The following FOXP2 variants were observed in gnomAD, a reference collection of about 807,000 sequenced individuals.
FOXP2 encodes the protein forkhead box protein P2.
In FOXP2, 12 loss-of-function variants were observed where a neutral mutation model predicts 115.8. That is an observed-to-expected ratio of 0.10 (90% CI 0.07 to 0.17). The LOEUF (loss-of-function observed/expected upper bound fraction) is 0.17, where lower values mean the gene tolerates loss of function less well. Ranked by LOEUF, FOXP2 falls within the 10% of genes least tolerant of loss-of-function variation. FOXP2 has a pLI of 1.00. For synonymous variants in FOXP2, 328 were observed against 297.7 expected (o/e 1.10, Z -1.05); for missense variants, 629 against 843.5 (o/e 0.75, Z 3.15).
At chr7:114,289,006 C>G (rs1286075256) in intron 2 of FOXP2, among the ~76,000 whole-genome samples, 2 of 151,752 alleles carry the variant, frequency 1.3e-5, no homozygotes, top group African/African-American at 2.4e-5. Context: ...CACTTTCTAC[C>G]TAAATTTCTC....
intron 1 of FOXP2, among the ~76,000 whole-genome samples, chr7:114,418,083 T>G (rs976603335): frequency 3.3e-5 from 5 of 151,980 alleles, no homozygotes; most frequent in Non-Finnish European, 7.4e-5. Flanking sequence ...TACTCATGAT[T>G]GAGCTGATAT....
chr7:114,517,918 G>T (rs1798424104), intron 2 of FOXP2, among the ~76,000 whole-genome samples: 1 of 152,088 alleles, frequency 6.6e-6, no homozygotes, highest in African/African-American at 2.4e-5. Flanking sequence ...ACTTGGAGCA[G>T]TATAGACATT....
At chr7:114,142,924 G>C (rs1792261537) in intron 1 of FOXP2, among the ~76,000 whole-genome samples, 1 of 151,938 alleles carries the variant, frequency 6.6e-6, no homozygotes, top group Non-Finnish European at 1.5e-5. Context: ...GAGGTGAGAA[G>C]ATCGATTGAG....
chr7:114,452,423 A>G (rs1393689353), intron 2 of FOXP2, among the ~76,000 whole-genome samples: 2 of 152,076 alleles, frequency 1.3e-5, no homozygotes, highest in East Asian at 1.9e-4. Flanking sequence ...GGACATTTGT[A>G]AATGCTATTT....
chr7:114,334,762 A>G (rs1427525082), intron 2 of FOXP2, among the ~76,000 whole-genome samples: 1 of 151,354 alleles, frequency 6.6e-6, no homozygotes, highest in Non-Finnish European at 1.5e-5. Flanking sequence ...GTCAATTAAG[A>G]TAATGTATTT....
At chr7:114,145,454 T>C (rs899930685) in intron 1 of FOXP2, among the ~76,000 whole-genome samples, 6 of 117,328 alleles carry the variant, frequency 5.1e-5, no homozygotes, top group Non-Finnish European at 3.4e-5. Flanking sequence ...TTCTTTTCTT[T>C]TCTTTTCTTT....
At chr7:114,089,122 T>G (rs976574838) in intron 1 of FOXP2, among the ~76,000 whole-genome samples, 2 of 152,104 alleles carry the variant, frequency 1.3e-5, no homozygotes, top group African/African-American at 4.8e-5. Context: ...CAGTCGTCAG[T>G]CTAGTTAAAT....
intron 3 of FOXP2, among the ~76,000 whole-genome samples, chr7:114,580,990 C>A (rs1468521816): frequency 6.6e-6 from 1 of 150,598 alleles, no homozygotes; most frequent in Non-Finnish European, 1.5e-5. Flanking sequence ...GAAGAATGAG[C>A]CAGCAAAGAA....
intron 2 of FOXP2, among the ~76,000 whole-genome samples, chr7:114,481,771 T>C (rs1016157816): frequency 6.9e-6 from 1 of 143,908 alleles, no homozygotes; most frequent in Non-Finnish European, 1.5e-5. Flanking sequence ...ACTCTATCTA[T>C]CTATCTATCT....
At chr7:114,604,217 AG>A (rs1803185539) in intron 3 of FOXP2, among the ~76,000 whole-genome samples, 1 of 152,170 alleles carries the variant, frequency 6.6e-6, no homozygotes, top group Admixed American at 6.6e-5. Context: ...CCTGGCAAAA[AG>A]AGAACTGGAG....
intron 6 of FOXP2, among the ~76,000 whole-genome samples, chr7:114,640,494 A>T (rs1448639135): frequency 6.6e-6 from 1 of 152,210 alleles, no homozygotes; most frequent in Non-Finnish European, 1.5e-5. Context: ...GATGAATAAT[A>T]TAACCAGAAG....
At chr7:114,162,324 AC>A (rs1026018344), upstream of FOXP2, among the ~76,000 whole-genome samples, 1 of 152,082 alleles carries the variant, frequency 6.6e-6, no homozygotes, top group African/African-American at 2.4e-5. Context: ...TTTAGAACAT[AC>A]CCATGTTAAA....
intron 2 of FOXP2, among the ~76,000 whole-genome samples, chr7:114,396,613 A>G (rs942742148): frequency 1.3e-5 from 2 of 151,946 alleles, no homozygotes; most frequent in African/African-American, 4.8e-5. Context: ...TGGAATCTTA[A>G]AAAAGTTGAT....
At chr7:114,125,925 C>A (rs998344548) in intron 1 of FOXP2, among the ~76,000 whole-genome samples, 1 of 152,022 alleles carries the variant, frequency 6.6e-6, no homozygotes, top group Non-Finnish European at 1.5e-5. Context: ...AAGAATGTTA[C>A]CTTAGTTTAG....
chr7:114,157,617 C>CCCCT (rs1436676196), intron 1 of FOXP2, among the ~76,000 whole-genome samples: 1 of 152,034 alleles, frequency 6.6e-6, no homozygotes, highest in Admixed American at 6.6e-5. Context: ...TATTCAGGAG[C>CCCCT]CCCTCCCTAT....
intron 6 of FOXP2, among the ~76,000 whole-genome samples, chr7:114,636,424 A>G (rs952609509): frequency 1.3e-5 from 2 of 152,180 alleles, no homozygotes; most frequent in African/African-American, 2.4e-5. Flanking sequence ...AACAGAATAT[A>G]TATAATACAA....
intron 3 of FOXP2, among the ~76,000 whole-genome samples, chr7:114,625,511 G>C (rs1329825800): frequency 6.6e-6 from 1 of 151,748 alleles, no homozygotes; most frequent in South Asian, 2.1e-4. Context: ...TTAAATATTG[G>C]TAAGTAGTAT....
At position 114,334,928 on chromosome 7, in the gene FOXP2, A is replaced by AATATATATATATATATAT. The variant is rs1425036052; in HGVS notation, c.-11+46821_-11+46822insATATATATATATATATAT. Among the ~76,000 whole-genome samples, 26 of 111,794 alleles carry AATATATATATATATATAT rather than the reference A, an allele frequency of 2.3e-4. No homozygotes were observed. The East Asian group carries it at 4.9e-3, about 21-fold the overall frequency. The allele number at this position is 111,794 out of a possible 152,430, so 73.3% of individuals were successfully genotyped here. On this transcript the variant is annotated intron_variant, in intron 2 of 17. Transcript: ENST00000634411. ...TATATATATATTTTATATATATAGA[A>AATATATATATATATATAT]ATCTATATATATATATATATATATA...
chr7:114,556,711 A>G (rs935168837), intron 3 of FOXP2, among the ~76,000 whole-genome samples: 4 of 152,226 alleles, frequency 2.6e-5, no homozygotes, highest in African/African-American at 4.8e-5. Context: ...CAGTTCTTCT[A>G]TGAAAGCATA....
Sources: allele counts gnomAD v4.1 joint callset (sites outside exome capture counted in the v4.1 genomes callset), GRCh38; gene constraint gnomAD v4.1.1; transcripts MANE v1.5; gene names NCBI Gene and HGNC (gene_info 2026-07-23, HGNC 2026-07-21).